The following PTPRM variants were observed in gnomAD, a reference collection of about 807,000 sequenced individuals.
The protein encoded by PTPRM is receptor-type tyrosine-protein phosphatase mu.
In PTPRM, 47 loss-of-function variants were observed where a neutral mutation model predicts 186.7. The ratio of observed to expected loss-of-function variants is 0.25; its 90% CI spans 0.20 to 0.32. The LOEUF is 0.32. Ranked by LOEUF, PTPRM falls within the 10% of genes least tolerant of loss-of-function variation. PTPRM has a pLI of 1.00. For missense variants in PTPRM, 1,494 were observed against 1,865.0 expected, an observed-to-expected ratio of 0.80 and a Z score of 3.66; for synonymous variants, 668 against 674.9, an observed-to-expected ratio of 0.99 and a Z score of 0.16.
intron 23 of PTPRM, among the ~76,000 whole-genome samples, chr18:8,363,052 T>C (rs889737401): frequency 5.3e-5 from 8 of 152,212 alleles, no homozygotes; most frequent in Non-Finnish European, 8.8e-5. Context: ...CAATGCCCAG[T>C]CCGGGCTCTG....
intron 6 of PTPRM, among the ~76,000 whole-genome samples, chr18:7,950,529 G>A (rs2052871453): frequency 6.6e-6 from 1 of 152,212 alleles, no homozygotes; most frequent in Non-Finnish European, 1.5e-5. Flanking sequence ...GTGGCTATGG[G>A]CCAGTGGCTT....
chr18:7,974,501 C>T (rs1340225320), intron 7 of PTPRM, among the ~76,000 whole-genome samples: 3 of 152,194 alleles, frequency 2.0e-5, no homozygotes, highest in Non-Finnish European at 4.4e-5. Flanking sequence ...ACGTTTTGGG[C>T]TGCAAGTAAT....
intron 14 of PTPRM, among the ~76,000 whole-genome samples, chr18:8,153,543 T>C (rs2146260977): frequency 6.6e-6 from 1 of 152,320 alleles, no homozygotes; most frequent in Admixed American, 6.5e-5. Flanking sequence ...TTCTGAAAAA[T>C]AGAGTATATT....
At chr18:7,775,662 C>CTCTTTT (rs1192584427) in intron 2 of PTPRM, among the ~76,000 whole-genome samples, 1 of 152,148 alleles carries the variant, frequency 6.6e-6, no homozygotes, top group Non-Finnish European at 1.5e-5. Context: ...AGTGCACTTA[C>CTCTTTT]TCTTGCTTTG....
chr18:7,954,032 G>T (rs2053152396), intron 6 of PTPRM, among the ~76,000 whole-genome samples: 1 of 152,158 alleles, frequency 6.6e-6, no homozygotes, highest in African/African-American at 2.4e-5. Flanking sequence ...ATTTATGCCG[G>T]TAGAAATACG....
At chr18:7,714,758 A>G (rs1372493355) in intron 1 of PTPRM, among the ~76,000 whole-genome samples, 2 of 152,220 alleles carry the variant, frequency 1.3e-5, no homozygotes, top group African/African-American at 4.8e-5. Context: ...AATAAACTAG[A>G]AAATCTAGAA....
At chr18:7,925,687 G>A (rs866663383) in intron 4 of PTPRM, among the ~76,000 whole-genome samples, 7 of 152,154 alleles carry the variant, frequency 4.6e-5, no homozygotes, top group African/African-American at 4.8e-5. Flanking sequence ...CTCTTCTGTG[G>A]GAAGCACTCT....
At chr18:8,069,478 T>C (rs1363477932) in intron 7 of PTPRM, among the ~76,000 whole-genome samples, 1 of 152,260 alleles carries the variant, frequency 6.6e-6, no homozygotes, top group Non-Finnish European at 1.5e-5. Context: ...CTTAGGCACA[T>C]GGCCACATCC....
At chr18:8,206,153 A>G (rs1568519666) in intron 14 of PTPRM, among the ~76,000 whole-genome samples, 1 of 152,220 alleles carries the variant, frequency 6.6e-6, no homozygotes, top group Non-Finnish European at 1.5e-5. Flanking sequence ...GCACCAAGAA[A>G]TGGCTATTGT....
intron 19 of PTPRM, among the ~76,000 whole-genome samples, chr18:8,277,863 CTT>C (rs2094854242): frequency 6.6e-6 from 1 of 152,144 alleles, no homozygotes; most frequent in Non-Finnish European, 1.5e-5. Flanking sequence ...CCTTTGAAGA[CTT>C]GAGATAGCCA....
intron 7 of PTPRM, among the ~76,000 whole-genome samples, chr18:7,993,956 C>A (rs1185482990): frequency 6.6e-6 from 1 of 151,964 alleles, no homozygotes; most frequent in Non-Finnish European, 1.5e-5. Flanking sequence ...AATAAGTTCT[C>A]ACCTATTAAT....
At chr18:7,853,851 C>T (rs949144331) in intron 2 of PTPRM, among the ~76,000 whole-genome samples, 3 of 152,032 alleles carry the variant, frequency 2.0e-5, no homozygotes, top group Non-Finnish European at 4.4e-5. Context: ...CAGCTTTGAA[C>T]TTCAATGAAA....
chr18:7,796,481 A>G (rs1367508219), intron 2 of PTPRM, among the ~76,000 whole-genome samples: 7 of 152,220 alleles, frequency 4.6e-5, no homozygotes, highest in Admixed American at 4.6e-4. Context: ...GAGCCAATTC[A>G]TTCTGGGAGA....
At chr18:8,269,196 ATAAAT>A (rs2094739961) in intron 19 of PTPRM, among the ~76,000 whole-genome samples, 1 of 152,064 alleles carries the variant, frequency 6.6e-6, no homozygotes, top group Admixed American at 6.5e-5. Flanking sequence ...GTTATAACTA[ATAAAT>A]TAATCAGTAA....
chr18:7,787,575 C>T (rs189057884), intron 2 of PTPRM, among the ~76,000 whole-genome samples: 55 of 152,310 alleles, frequency 3.6e-4, no homozygotes, highest in South Asian at 8.3e-4. Context: ...AGCATTGAGA[C>T]GCTTTTAGCC....
At chr18:7,968,405 G>A (rs1055785697) in intron 7 of PTPRM, among the ~76,000 whole-genome samples, 3 of 143,320 alleles carry the variant, frequency 2.1e-5, no homozygotes, top group African/African-American at 8.0e-5. Context: ...CAACTAATGA[G>A]CAAAATCACC....
At chr18:8,245,173 C>T (rs556066673) in intron 15 of PTPRM, among the ~76,000 whole-genome samples, 11 of 152,138 alleles carry the variant, frequency 7.2e-5, no homozygotes, top group Non-Finnish European at 1.3e-4. Context: ...CAGCTCCCCT[C>T]CACTCCTCCT....
At chr18:8,247,757 G>A (rs1004391627) in intron 15 of PTPRM, 88 bp from the exon 16 acceptor site, 2 of 905,698 alleles carry the variant, frequency 2.2e-6, no homozygotes, top group Admixed American at 1.8e-5. Flanking sequence ...TGGGTAGCAT[G>A]GAGTCACCAT....
intron 30 of PTPRM, among the ~76,000 whole-genome samples, chr18:8,385,128 G>A (rs2095763849): frequency 6.6e-6 from 1 of 152,180 alleles, no homozygotes; most frequent in African/African-American, 2.4e-5. Context: ...GGCAGGCCAG[G>A]TGACCAGACA....
Sources: gnomAD v4.1 joint callset for allele counts (sites outside exome capture counted in the v4.1 genomes callset) on GRCh38, gnomAD v4.1.1 for gene constraint, MANE v1.5 for transcripts, NCBI Gene and HGNC (gene_info 2026-07-23, HGNC 2026-07-21) for gene names.